The following MYO9B variants were observed in gnomAD, a reference collection of about 807,000 sequenced individuals.
The protein encoded by MYO9B is unconventional myosin-IXb.
A neutral mutation model predicts 229.5 loss-of-function variants in MYO9B; 71 were observed. The ratio of observed to expected loss-of-function variants is 0.31; its 90% CI spans 0.26 to 0.38. MYO9B has a LOEUF of 0.38. Ranked by LOEUF, MYO9B falls within the 10% of genes least tolerant of loss-of-function variation. The probability of loss-of-function intolerance (pLI) is 1.00; values close to 1 mark genes in which losing one functional copy is unlikely to be tolerated. For missense variants in MYO9B, 2,255 were observed against 2,920.5 expected (o/e 0.77, Z 5.25); for synonymous variants, 1,185 against 1,235.8 (o/e 0.96, Z 0.86).
chr19:17,210,902 G>T (rs2145528070), intron 38 of MYO9B, 54 bp downstream of exon 38: 2 of 1,560,414 alleles, frequency 1.3e-6, no homozygotes, highest in East Asian at 4.8e-5. Context: ...AAGCTGGAGT[G>T]CAGGTTCCAT....
At chr19:17,089,972 G>A (rs1319811451) in intron 1 of MYO9B, among the ~76,000 whole-genome samples, 3 of 151,938 alleles carry the variant, frequency 2.0e-5, no homozygotes, top group Non-Finnish European at 4.4e-5. Context: ...ATCACTTTCT[G>A]TGTCTGTGGA....
At position 17,101,494 on chromosome 19, in the gene MYO9B, C is replaced by T. The variant is rs1212109220; in HGVS notation, c.-58-166C>T. 6.6e-6 allele frequency among the ~76,000 whole-genome samples: 1 copy of T among 152,140 alleles called. No individual in the cohort carries two copies. The highest frequency in any genetic ancestry group is 1.5e-5 in the Non-Finnish European group (1 of 68,030). On this transcript the variant is annotated intron_variant, in intron 1 of 39. Transcript: ENST00000682292. This position sits in a 1 kb window ranked among gnomAD's most constrained non-coding sequence, Gnocchi z 4.7. Reference sequence around the variant, plus strand: ...GGTCACATTGAAGGACAGACAGACCCTCACGGGATGTCGTGACTGGTTGCC... The same window carrying T: ...GGTCACATTGAAGGACAGACAGACCTTCACGGGATGTCGTGACTGGTTGCC...
At chr19:17,145,996 T>G (rs569961483) in intron 3 of MYO9B, among the ~76,000 whole-genome samples, 1 of 150,720 alleles carries the variant, frequency 6.6e-6, no homozygotes, top group African/African-American at 2.5e-5. Flanking sequence ...GAGAGACAGA[T>G]GGATTCATGG....
intron 2 of MYO9B, among the ~76,000 whole-genome samples, chr19:17,138,563 C>T (rs1340046875): frequency 6.6e-6 from 1 of 152,150 alleles, no homozygotes; most frequent in South Asian, 2.1e-4. Context: ...ACAGGCGTGA[C>T]CACTGCGCCC....
intron 1 of MYO9B, among the ~76,000 whole-genome samples, chr19:17,078,932 C>T (rs2057510399): frequency 6.6e-6 from 1 of 152,212 alleles, no homozygotes; most frequent in Admixed American, 6.5e-5. Flanking sequence ...TCCTTAGTAA[C>T]CTTTAACTGG....
chr19:17,144,597 A>G (rs1029251525), intron 2 of MYO9B, among the ~76,000 whole-genome samples: 1 of 151,878 alleles, frequency 6.6e-6, no homozygotes, highest in African/African-American at 2.4e-5. Context: ...ACCCTGTCTC[A>G]AACAAAAAAA....
At chr19:17,178,697 C>T (rs1299722513) in intron 14 of MYO9B, among the ~76,000 whole-genome samples, 2 of 152,004 alleles carry the variant, frequency 1.3e-5, no homozygotes, top group South Asian at 2.1e-4. Flanking sequence ...CAAAATGAAG[C>T]GAGTAAGGTT....
chr19:17,197,823 G>A lies in MYO9B; in HGVS notation c.4078G>A (p.Val1360Ile), dbSNP rs544095672. 9.3e-5 allele frequency: 150 copies of A among 1,613,698 alleles called. 1 individual carries two copies. Among genetic ancestry groups the A allele is most frequent in the South Asian group, 8.2e-4 (75 of 91,084 alleles). ...ERRTSFSTSD[V>I]SKLLPSLAKA... Reference sequence around the variant, plus strand: ...GCGCACCTCCTTCTCCACGAGCGACGTCTCCAAGCTCCTCCCGTCCCTGGC... The same window carrying A: ...GCGCACCTCCTTCTCCACGAGCGACATCTCCAAGCTCCTCCCGTCCCTGGC... Residue 1360 changes from valine (V) to isoleucine (I), a missense_variant, in exon 23 of 40, where the codon GTC (valine) becomes ATC (isoleucine). Coordinates refer to ENST00000682292, the MANE Select transcript of MYO9B (RefSeq NM_004145.4).
In MYO9B at chr19:17,123,496, G is replaced by A. The variant is rs150123552; in HGVS notation, c.840+20939G>A. On this transcript the variant is annotated intron_variant, in intron 2 of 39. Coordinates refer to ENST00000682292, the MANE Select transcript of MYO9B (RefSeq NM_004145.4). ...ACTCTTGTCACCCAGGCTGGAGTGC[G>A]GTGGCATGATCTCAGCTCACTGCAA... is the stretch of plus-strand genomic sequence containing the variant. 4.4e-3 allele frequency among the ~76,000 whole-genome samples: 673 copies of A among 151,256 alleles called. 3 individuals are homozygous for A. Among genetic ancestry groups the A allele is most frequent in the Non-Finnish European group, 7.0e-3 (474 of 67,748 alleles).
chr19:17,161,987 CAA>C (rs71180369), intron 8 of MYO9B, among the ~76,000 whole-genome samples: 61 of 110,164 alleles, frequency 5.5e-4, no homozygotes, highest in African/African-American at 6.0e-4. Context: ...GACCCTGTGT[CAA>C]AAAAAAAAAA....
chr19:17,192,764 G>T lies in MYO9B; in HGVS notation c.2830G>T (p.Glu944Ter). 6.5e-7 allele frequency: 1 copy of T among 1,549,572 alleles called. No homozygotes were observed. Among genetic ancestry groups the T allele is most frequent in the Non-Finnish European group, 8.7e-7 (1 of 1,145,960 alleles). ...GKTKVFLKET[E>*]RQALQETLHR... ...CCACCAGGTCTTCCTGAAGGAGACG[G>T]AGCGGCAAGCCCTGCAGGAGACGCT... The change falls in exon 21 of 40, where the codon GAG becomes TAG. Residue 944 changes from glutamate to a stop codon, truncating the protein, a stop_gained. Coordinates refer to ENST00000682292, the MANE Select transcript of MYO9B (RefSeq NM_004145.4). LOFTEE classifies it high-confidence loss of function.
In MYO9B at chr19:17,172,902, G is replaced by T. The variant is rs1373971777; in HGVS notation, c.2079G>T (p.Arg693=). 1 of 1,602,118 alleles carries T rather than the reference G, an allele frequency of 6.2e-7. No individual in the cohort carries two copies. ...FRWAVLRAAI[R]AMAVLREAGR... is the part of the protein sequence containing the mutation. ...GGGCCGTGCTCCGGGCTGCTATCCG[G>T]GCCATGGCAGTGCTTCGGGAGGCCG... Residue 693 remains arginine (R), a synonymous_variant, in exon 13 of 40, where the codon CGG becomes CGT. Transcript: ENST00000682292. The surrounding 1 kb of genome is among the most constrained non-coding windows in gnomAD (Gnocchi z 8.2).
chr19:17,098,361 C>G (rs1400803374), intron 1 of MYO9B, among the ~76,000 whole-genome samples: 1 of 152,118 alleles, frequency 6.6e-6, no homozygotes, highest in Non-Finnish European at 1.5e-5. Flanking sequence ...GGTCTTAGAA[C>G]CCCTCTTAGA....
intron 2 of MYO9B, among the ~76,000 whole-genome samples, chr19:17,135,797 C>G (rs534859577): frequency 6.6e-6 from 1 of 152,092 alleles, no homozygotes; most frequent in Non-Finnish European, 1.5e-5. Context: ...CCCTGTGTTA[C>G]GTTCCCAAGA....
chr19:17,116,690 G>A (rs2057907271), intron 2 of MYO9B, among the ~76,000 whole-genome samples: 1 of 152,168 alleles, frequency 6.6e-6, no homozygotes, highest in African/African-American at 2.4e-5. Context: ...AGGGAATGGA[G>A]GGAGGGGTGC....
intron 22 of MYO9B, among the ~76,000 whole-genome samples, chr19:17,196,906 T>C (rs950725064): frequency 2.2e-4 from 33 of 151,110 alleles, no homozygotes; most frequent in African/African-American, 7.6e-4. Flanking sequence ...ATAGAGTTGA[T>C]GGATGGAGGG....
At chr19:17,127,255 C>T (rs547182359) in intron 2 of MYO9B, among the ~76,000 whole-genome samples, 47 of 149,796 alleles carry the variant, frequency 3.1e-4, no homozygotes, top group South Asian at 2.5e-3. Context: ...CCACCCCCCT[C>T]GGCCTTCCAA....
At chr19:17,200,164 T>A in intron 24 of MYO9B, 129 bp from the exon 25 acceptor site, 1 of 1,224,116 alleles carries the variant, frequency 8.2e-7, no homozygotes, top group East Asian at 2.5e-5. Flanking sequence ...TAAGCCACCA[T>A]GCCAGGCCAG....
intron 15 of MYO9B, among the ~76,000 whole-genome samples, chr19:17,181,580 T>G (rs1344503485): frequency 2.0e-5 from 3 of 152,198 alleles, no homozygotes; most frequent in Non-Finnish European, 4.4e-5. Flanking sequence ...ATGACTCTCA[T>G]GCTTCCATTA....
Sources: gnomAD v4.1 joint callset for allele counts (sites outside exome capture counted in the v4.1 genomes callset) on GRCh38, gnomAD v4.1.1 for gene constraint, Gnocchi (gnomAD v3.1) non-coding constraint, MANE v1.5 for transcripts, NCBI Gene and HGNC (gene_info 2026-07-23, HGNC 2026-07-21) for gene names.